Variants in EEPD1 observed in about 807,000 individuals in gnomAD.
EEPD1 encodes endonuclease/exonuclease/phosphatase family domain containing 1, also known as endonuclease/exonuclease/phosphatase family domain-containing protein 1.
EEPD1 carries 17 observed loss-of-function variants against 46.3 expected under a neutral mutation model. That is an observed-to-expected ratio of 0.37 (90% CI 0.25 to 0.55). EEPD1 has a LOEUF of 0.55. Ranked by LOEUF, EEPD1 falls within the 20% of genes least tolerant of loss-of-function variation. The pLI is 0.83. For missense variants in EEPD1, 673 were observed against 745.6 expected (o/e 0.90, Z 1.13); for synonymous variants, 313 against 315.6 (o/e 0.99, Z 0.09).
intron 5 of EEPD1, among the ~76,000 whole-genome samples, chr7:36,286,436 C>T (rs1269138733): frequency 2.0e-5 from 3 of 152,210 alleles, no homozygotes; most frequent in Non-Finnish European, 4.4e-5. Flanking sequence ...CTGGGGGCTT[C>T]CCCTATACCC....
intron 3 of EEPD1, among the ~76,000 whole-genome samples, chr7:36,276,183 C>G (rs1364377087): frequency 6.6e-6 from 1 of 152,098 alleles, no homozygotes; most frequent in African/African-American, 2.4e-5. Flanking sequence ...GAGGTCAGCA[C>G]AAGATACAGG....
intron 6 of EEPD1, among the ~76,000 whole-genome samples, chr7:36,290,650 C>G (rs1415123462): frequency 6.6e-6 from 1 of 152,192 alleles, no homozygotes; most frequent in Non-Finnish European, 1.5e-5. Context: ...CTTCTTCCCT[C>G]AGACCTCACC....
chr7:36,204,303 T>A (rs1785772101), intron 2 of EEPD1, among the ~76,000 whole-genome samples: 1 of 152,118 alleles, frequency 6.6e-6, no homozygotes, highest in Non-Finnish European at 1.5e-5. Flanking sequence ...CCCAAAGCAC[T>A]GGGATTATAG....
In EEPD1 at chr7:36,246,082, G is replaced by A. The variant is rs147228954; in HGVS notation, c.930+7046G>A. Among the ~76,000 whole-genome samples the A allele has an allele frequency of 3.1e-3, 472 of 152,308 alleles. 4 individuals carry two copies. Among genetic ancestry groups the A allele is most frequent in the African/African-American group, 0.01 (431 of 41,568 alleles). On this transcript the variant is annotated intron_variant, in intron 3 of 7. Transcript: ENST00000242108. ...CAAAGCCACAAACAATAGTTTGGCC[G>A]GTCATTCCAGCTGGACCGTGGTAGG...
intron 2 of EEPD1, among the ~76,000 whole-genome samples, chr7:36,175,930 G>A (rs1044929583): frequency 4.6e-5 from 7 of 152,218 alleles, no homozygotes; most frequent in Non-Finnish European, 7.3e-5. Flanking sequence ...GGTCACTGCC[G>A]GGTCCCTGTG....
intron 3 of EEPD1, among the ~76,000 whole-genome samples, chr7:36,250,031 C>A (rs1243919234): frequency 2.0e-5 from 3 of 152,056 alleles, no homozygotes; most frequent in Non-Finnish European, 4.4e-5. Flanking sequence ...CCAGCCTGGG[C>A]AACATAGTGA....
chr7:36,265,620 C>T (rs778181494), intron 3 of EEPD1, among the ~76,000 whole-genome samples: 8 of 152,296 alleles, frequency 5.3e-5, no homozygotes, highest in Non-Finnish European at 1.0e-4. Context: ...TCCTTTTCCT[C>T]GTCCCTACCC....
chr7:36,287,114 A>G (rs1232826866), intron 5 of EEPD1, among the ~76,000 whole-genome samples: 7 of 151,692 alleles, frequency 4.6e-5, no homozygotes, highest in East Asian at 1.9e-4. Flanking sequence ...GCACACACCT[A>G]TAATCCCAGC....
At chr7:36,185,917 C>G (rs531920057) in intron 2 of EEPD1, among the ~76,000 whole-genome samples, 60 of 152,312 alleles carry the variant, frequency 3.9e-4, no homozygotes, top group African/African-American at 1.3e-3. Context: ...ATCAGAATAT[C>G]TCTTTGCCAA....
intron 2 of EEPD1, among the ~76,000 whole-genome samples, chr7:36,181,962 G>A (rs564742976): frequency 2.2e-4 from 34 of 152,254 alleles, no homozygotes; most frequent in African/African-American, 5.3e-4. Flanking sequence ...TTGCCATCCC[G>A]GTTCCCATCT....
chr7:36,292,384 C>G (rs755976526), intron 6 of EEPD1, among the ~76,000 whole-genome samples: 24 of 151,480 alleles, frequency 1.6e-4, no homozygotes, highest in Non-Finnish European at 2.5e-4. Context: ...GTTTTGTTTT[C>G]TTTTCTTTTC....
At chr7:36,157,352 A>G (rs966641394) in intron 2 of EEPD1, among the ~76,000 whole-genome samples, 3 of 152,282 alleles carry the variant, frequency 2.0e-5, no homozygotes, top group East Asian at 3.9e-4. Context: ...AGGACCTATG[A>G]ATGTGAAGGG....
At chr7:36,213,804 G>A (rs1191979452) in intron 2 of EEPD1, among the ~76,000 whole-genome samples, 1 of 152,092 alleles carries the variant, frequency 6.6e-6, no homozygotes, top group African/African-American at 2.4e-5. Flanking sequence ...TGGTGGGCGT[G>A]TACCCCCCCG....
At chr7:36,209,132 G>C (rs1785876805) in intron 2 of EEPD1, among the ~76,000 whole-genome samples, 1 of 152,166 alleles carries the variant, frequency 6.6e-6, no homozygotes, top group Non-Finnish European at 1.5e-5. Context: ...AGCAATGTAT[G>C]TTAAAACCAG....
chr7:36,174,550 G>A (rs987053638), intron 2 of EEPD1, among the ~76,000 whole-genome samples: 7 of 152,202 alleles, frequency 4.6e-5, no homozygotes, highest in African/African-American at 1.2e-4. Context: ...CCTGGTCTCC[G>A]CCAGGCAGCT....
At chr7:36,291,338 G>A (rs1260610550) in intron 6 of EEPD1, among the ~76,000 whole-genome samples, 1 of 152,194 alleles carries the variant, frequency 6.6e-6, no homozygotes, top group Non-Finnish European at 1.5e-5. Flanking sequence ...AGCCACTTCC[G>A]TGTGGTCTTC....
At chr7:36,187,944 C>T (rs1341250720) in intron 2 of EEPD1, among the ~76,000 whole-genome samples, 2 of 152,142 alleles carry the variant, frequency 1.3e-5, no homozygotes, top group African/African-American at 4.8e-5. Flanking sequence ...ATTACAGGCA[C>T]GTGCCACCAC....
chr7:36,297,554 C>G (rs1225386381), intron 7 of EEPD1, among the ~76,000 whole-genome samples: 1 of 152,126 alleles, frequency 6.6e-6, no homozygotes, highest in Non-Finnish European at 1.5e-5. Context: ...CCAGGCAAAC[C>G]TGGTTATAGA....
chr7:36,285,676 C>T (rs1349189985), intron 5 of EEPD1, among the ~76,000 whole-genome samples: 1 of 152,184 alleles, frequency 6.6e-6, no homozygotes, highest in Non-Finnish European at 1.5e-5. Context: ...CCTTGGAGCT[C>T]AGCAAGCGTA....
Sources: gnomAD v4.1 joint callset for allele counts (sites outside exome capture counted in the v4.1 genomes callset) on GRCh38, gnomAD v4.1.1 for gene constraint, MANE v1.5 for transcripts, NCBI Gene and HGNC (gene_info 2026-07-23, HGNC 2026-07-21) for gene names.